LGALS4: variants seen among roughly 807,000 people sequenced by gnomAD.
The protein encoded by LGALS4 is galectin-4.
A neutral mutation model predicts 39.6 loss-of-function variants in LGALS4; 37 were observed. The ratio of observed to expected loss-of-function variants is 0.93; its 90% CI spans 0.72 to 1.23. The LOEUF (loss-of-function observed/expected upper bound fraction) is 1.23. Among genes scored for constraint, LGALS4 ranks in the 50% most tolerant of loss-of-function variants. LGALS4 has a pLI of 0.00. For missense variants in LGALS4, 397 were observed against 433.2 expected, an observed-to-expected ratio of 0.92 and a Z score of 0.74; for synonymous variants, 160 against 165.5, an observed-to-expected ratio of 0.97 and a Z score of 0.25.
At chr19:38,812,255 C>A (rs1273029777) in intron 2 of LGALS4, among the ~76,000 whole-genome samples, 176 bp downstream of exon 2, 2 of 152,162 alleles carry the variant, frequency 1.3e-5, no homozygotes, top group African/African-American at 4.8e-5. Flanking sequence ...AACCTTCTGG[C>A]CCCCACGTCC....
At chr19:38,812,148 C>T (rs558200490) in intron 2 of LGALS4, among the ~76,000 whole-genome samples, 11 of 152,222 alleles carry the variant, frequency 7.2e-5, no homozygotes, top group Non-Finnish European at 1.3e-4. Flanking sequence ...CTCGGGGACC[C>T]GGCTCTGAGC....
chr19:38,803,399 C>T (rs1184444303), intron 7 of LGALS4, 123 bp downstream of exon 7: 1 of 968,226 alleles, frequency 1.0e-6, no homozygotes, highest in Non-Finnish European at 1.6e-6. Flanking sequence ...ACCACGAACT[C>T]TATCTACCCT....
At position 38,801,967 on chromosome 19, in the gene LGALS4, G is replaced by A. The variant is rs370544665; in HGVS notation, c.825+25C>T. The A allele has an allele frequency of 6.0e-5, 97 of 1,613,986 alleles. No individual in the cohort carries two copies. In the African/African-American group the frequency reaches 1.3e-3, roughly 21 times the overall value. On this transcript the variant is annotated intron_variant, in intron 9 of 9. Transcript: ENST00000307751. ...GCCAGGACTGAGGCCCTGGAAGGAA[G>A]TGGGAAAAGAGAGCTCAGACTCACA...
Position 38,806,443 on chromosome 19 carries a change from G to C in LGALS4, c.474+18C>G. The stretch of plus-strand genomic sequence containing the variant: ...ATTTAGAAAGAAAGGACGCAAGAAG[G>C]GATGGGACCCCTCACACCTGGGGCC... On this transcript the variant is annotated intron_variant, in intron 4 of 9. Coordinates refer to ENST00000307751, the MANE Select transcript of LGALS4 (RefSeq NM_006149.4). 2 of 1,613,182 alleles carry C rather than the reference G, an allele frequency of 1.2e-6. No individual in the cohort carries two copies. The highest frequency in any genetic ancestry group is 1.7e-6 in the Non-Finnish European group (2 of 1,179,342).
Position 38,801,674 on chromosome 19 carries a change from T to G in LGALS4, c.*90A>C. The G allele has an allele frequency of 7.1e-7, 1 of 1,410,846 alleles. No individual in the cohort carries two copies. The highest frequency in any genetic ancestry group is 9.8e-7 in the Non-Finnish European group (1 of 1,019,142). The allele number at this position is 1,410,846 out of a possible 1,614,324, so 87.4% of individuals were successfully genotyped here. ...GGGAGCAGATGGAGACACACACTCA[T>G]GAGACACCCTCAGACATTTTATTAG... On this transcript the variant is annotated 3_prime_UTR_variant, in exon 10 of 10. Coordinates refer to ENST00000307751, the MANE Select transcript of LGALS4 (RefSeq NM_006149.4).
chr19:38,802,804 A>G (rs1734162443), intron 7 of LGALS4, among the ~76,000 whole-genome samples: 1 of 151,674 alleles, frequency 6.6e-6, no homozygotes, highest in Non-Finnish European at 1.5e-5. Context: ...CAGCCTTCCT[A>G]GTAGCTGGGA....
chr19:38,804,821 TAAAAAAA>T (rs1032426358), intron 4 of LGALS4, among the ~76,000 whole-genome samples: 1 of 145,334 alleles, frequency 6.9e-6, no homozygotes, highest in Admixed American at 6.9e-5. Flanking sequence ...AGACTCCATC[TAAAAAAA>T]AAACAAAAAA....
chr19:38,810,362 T>A (rs1971478348), intron 2 of LGALS4, among the ~76,000 whole-genome samples: 1 of 138,092 alleles, frequency 7.2e-6, no homozygotes, highest in Admixed American at 7.2e-5. Context: ...GCCTTTTTTT[T>A]TTTTTTTTTT....
At chr19:38,803,624 G>C (rs774959653) in intron 6 of LGALS4, 73 bp from the exon 7 acceptor site, 1 of 1,597,268 alleles carries the variant, frequency 6.3e-7, no homozygotes, top group South Asian at 1.1e-5. Context: ...ATTAGACTCC[G>C]GCGTTTCTCT....
At chr19:38,805,930 G>A (rs1181803773) in intron 4 of LGALS4, among the ~76,000 whole-genome samples, 1 of 152,142 alleles carries the variant, frequency 6.6e-6, no homozygotes, top group East Asian at 1.9e-4. Context: ...AAATTAGCCA[G>A]ATGTGATGGT....
At chr19:38,811,050 C>T (rs936995717) in intron 2 of LGALS4, among the ~76,000 whole-genome samples, 2 of 150,480 alleles carry the variant, frequency 1.3e-5, no homozygotes, top group East Asian at 2.0e-4. Context: ...TACAGGCATG[C>T]GCCACCACGC....
At position 38,808,840 on chromosome 19, in the gene LGALS4, G is replaced by T. The variant is rs760147185; in HGVS notation, c.243C>A (p.Gly81=). Residue 81 remains glycine, a synonymous_variant, in exon 3 of 10, where the codon GGC becomes GGA. Coordinates refer to ENST00000307751, the MANE Select transcript of LGALS4 (RefSeq NM_006149.4). ...WDKVVFNTLQ[G]GKWGSEERKR... ...TCCTCTCCTCGCTGCCCCACTTCCCGCCCTGCAACGTGTTGAAGACCACCT... is the reference window on the plus strand; with the variant it reads ...TCCTCTCCTCGCTGCCCCACTTCCCTCCCTGCAACGTGTTGAAGACCACCT... 2 of 1,614,028 alleles carry T rather than the reference G, an allele frequency of 1.2e-6. No individual in the cohort carries two copies. Among genetic ancestry groups the T allele is most frequent in the Non-Finnish European group, 1.7e-6 (2 of 1,179,982 alleles).
At chr19:38,810,216 T>A in intron 2 of LGALS4, among the ~76,000 whole-genome samples, 1 of 152,042 alleles carries the variant, frequency 6.6e-6, no homozygotes, top group South Asian at 2.1e-4. Flanking sequence ...AGTGCAGTGA[T>A]GCGATCTCAG....
At chr19:38,803,716 G>C (rs146257134) in intron 6 of LGALS4, 26 bp downstream of exon 6, 2 of 1,610,464 alleles carry the variant, frequency 1.2e-6, no homozygotes, top group African/African-American at 2.7e-5. Context: ...CTCCTCACCC[G>C]GGGCCCTCCC....
Position 38,803,567 on chromosome 19 carries a change from G to A in LGALS4, c.541-16C>T. ...CTTCCATGGTCTGTGAAGTGAGGAA[G>A]AAGCGATATTATTCTCCAAGAGTCG... On this transcript the variant is annotated splice_polypyrimidine_tract_variant and intron_variant, in intron 6 of 9. Transcript: ENST00000307751. 2 of 1,613,826 alleles carry A rather than the reference G, an allele frequency of 1.2e-6. No individual in the cohort carries two copies. Among genetic ancestry groups the A allele is most frequent in the Non-Finnish European group, 1.7e-6 (2 of 1,179,750 alleles).
At position 38,803,619 on chromosome 19, in the gene LGALS4, A is replaced by T. The variant is rs57601511; in HGVS notation, c.541-68T>A. 12,911 of 1,598,108 alleles carry T rather than the reference A, an allele frequency of 8.1e-3. 904 individuals are homozygous for T. In the African/African-American group the frequency reaches 0.15, roughly 19 times the overall value. ...CAGATATCTATGACACACCCATTAG[A>T]CTCCGGCGTTTCTCTAGGTGCTGGG... On this transcript the variant is annotated intron_variant, in intron 6 of 9. Coordinates refer to ENST00000307751, the MANE Select transcript of LGALS4 (RefSeq NM_006149.4).
At position 38,806,370 on chromosome 19, in the gene LGALS4, AAAAAAAAG is replaced by A. The variant is rs559476215; in HGVS notation, c.474+83_474+90del. ...GCGACAGAGTGAGACTCCGTCTCAA[AAAAAAAAG>A]AAAAAAAGAAAAAAAGAAAAAAAAT... is the stretch of plus-strand genomic sequence containing the variant. On this transcript the variant is annotated intron_variant, in intron 4 of 9. Transcript: ENST00000307751. 1.1e-3 allele frequency: 1,638 copies of A among 1,467,124 alleles called. 10 individuals carry two copies. In the African/African-American group the frequency reaches 0.017, roughly 15 times the overall value. 90.9% of individuals were successfully genotyped at this position (1,467,124 alleles called of 1,614,324 possible).
intron 3 of LGALS4, among the ~76,000 whole-genome samples, chr19:38,807,947 C>A (rs776897919): frequency 2.6e-5 from 4 of 152,052 alleles, no homozygotes; most frequent in African/African-American, 4.8e-5. Context: ...CATCACCACT[C>A]CCTAATCTCA....
chr19:38,802,298 A>C lies in LGALS4; in HGVS notation c.659+18T>G. The C allele has an allele frequency of 6.2e-7, 1 of 1,610,976 alleles. No individual in the cohort carries two copies. On this transcript the variant is annotated intron_variant, in intron 8 of 9. Coordinates refer to ENST00000307751, the MANE Select transcript of LGALS4 (RefSeq NM_006149.4). Reference sequence around the variant, plus strand: ...AGGGAGGAGGGGGCTGGGGGTTCCCACCTAGTTTACGTTATACCTCTTGCC... The same window carrying C: ...AGGGAGGAGGGGGCTGGGGGTTCCCCCCTAGTTTACGTTATACCTCTTGCC...
Sources: allele counts gnomAD v4.1 joint callset (sites outside exome capture counted in the v4.1 genomes callset), GRCh38; gene constraint gnomAD v4.1.1; transcripts MANE v1.5; gene names NCBI Gene and HGNC (gene_info 2026-07-23, HGNC 2026-07-21).